SASH1: variants seen among roughly 807,000 people sequenced by gnomAD.
SASH1 encodes the protein SAM and SH3 domain containing 1, also known as SAM and SH3 domain-containing protein 1.
A neutral mutation model predicts 125.2 loss-of-function variants in SASH1; 44 were observed. That is an observed-to-expected ratio of 0.35 (90% CI 0.28 to 0.45). The LOEUF is 0.45. SASH1 is among the 20% of genes least tolerant of loss of function. The probability of loss-of-function intolerance (pLI) is 1.00; values close to 1 mark genes in which losing one functional copy is unlikely to be tolerated. For synonymous variants in SASH1, 639 were observed against 649.1 expected, an observed-to-expected ratio of 0.98 and a Z score of 0.24; for missense variants, 1,426 against 1,614.5, an observed-to-expected ratio of 0.88 and a Z score of 2.00.
the SASH1 span, among the ~76,000 whole-genome samples, chr6:148,223,874 A>C: frequency 6.6e-6 from 1 of 152,254 alleles, no homozygotes; most frequent in Admixed American, 6.5e-5. Context: ...ATCAGCCTCA[A>C]TAATCTATAC....
chr6:148,240,603 A>G, the SASH1 span, among the ~76,000 whole-genome samples: 1 of 152,012 alleles, frequency 6.6e-6, no homozygotes, highest in East Asian at 1.9e-4. Context: ...TTGAAGGAAT[A>G]TTTTCCCACA....
At chr6:148,204,987 A>C in the SASH1 span, among the ~76,000 whole-genome samples, 1 of 152,158 alleles carries the variant, frequency 6.6e-6, no homozygotes, top group Non-Finnish European at 1.5e-5. Context: ...ATGAGCATTC[A>C]GGAGATTGGG....
At chr6:148,450,597 A>T (rs1777049926) in intron 4 of SASH1, among the ~76,000 whole-genome samples, 2 of 151,422 alleles carry the variant, frequency 1.3e-5, no homozygotes, top group Admixed American at 6.6e-5. Flanking sequence ...TTTAACACGT[A>T]TCATATCATC....
intron 19 of SASH1, 53 bp from the exon 20 acceptor site, chr6:148,548,242 G>A (rs564908437): frequency 6.6e-7 from 1 of 1,522,434 alleles, no homozygotes; most frequent in South Asian, 1.3e-5. Context: ...ACGCGAAGTA[G>A]TCCTCGATGA....
At chr6:148,435,698 A>C (rs1352379628) in intron 2 of SASH1, among the ~76,000 whole-genome samples, 1 of 152,186 alleles carries the variant, frequency 6.6e-6, no homozygotes, top group Non-Finnish European at 1.5e-5. Context: ...ATTTTCTTCA[A>C]AGTAAAATGA....
chr6:148,256,275 T>C, the SASH1 span, among the ~76,000 whole-genome samples: 1 of 152,234 alleles, frequency 6.6e-6, no homozygotes, highest in Admixed American at 6.5e-5. Context: ...ATCTTAGTTT[T>C]TCAAGTAGAT....
chr6:148,270,691 A>G (rs1314098550), upstream of SASH1, among the ~76,000 whole-genome samples: 1 of 151,432 alleles, frequency 6.6e-6, no homozygotes, highest in African/African-American at 2.4e-5. Context: ...AAACAAAAAA[A>G]CAAAAAGGCT....
chr6:148,481,285 C>T (rs1164798730), intron 7 of SASH1, among the ~76,000 whole-genome samples: 1 of 152,116 alleles, frequency 6.6e-6, no homozygotes, highest in East Asian at 1.9e-4. Context: ...AGTGTTGTGG[C>T]TGTTCTGATC....
At chr6:148,474,252 G>C (rs2115138302) in intron 7 of SASH1, 30 bp downstream of exon 7, 1 of 1,378,442 alleles carries the variant, frequency 7.3e-7, no homozygotes, top group African/African-American at 1.4e-5. Flanking sequence ...GTTTATATTT[G>C]TGAGGACTTG....
chr6:148,431,031 C>G (rs1184317950), intron 2 of SASH1, among the ~76,000 whole-genome samples: 2 of 152,174 alleles, frequency 1.3e-5, no homozygotes, highest in African/African-American at 4.8e-5. Context: ...CTCCAGTCTC[C>G]CAGCTGACAG....
At chr6:148,237,736 G>A in the SASH1 span, 1 of 152,206 alleles carries the variant, frequency 6.6e-6, no homozygotes, top group Non-Finnish European at 1.5e-5. Flanking sequence ...TTTAGGGCAT[G>A]TGGTATCAGC....
chr6:148,358,494 C>A lies in SASH1; in HGVS notation c.156+15271C>A, dbSNP rs189113791. On this transcript the variant is annotated intron_variant, in intron 1 of 19. Coordinates refer to ENST00000367467, the MANE Select transcript of SASH1 (RefSeq NM_015278.5). ...ATAGTGACACACTACCTTCTGGGGT[C>A]CCAGGAGGGTCTGTTTCAAAATAAT... Among the ~76,000 whole-genome samples the A allele has an allele frequency of 2.9e-3, 444 of 152,222 alleles. 2 individuals are homozygous for A. The highest frequency in any genetic ancestry group is 0.01 in the African/African-American group (429 of 41,530).
chr6:148,363,663 G>C (rs1204760322), intron 1 of SASH1, among the ~76,000 whole-genome samples: 1 of 151,830 alleles, frequency 6.6e-6, no homozygotes, highest in Non-Finnish European at 1.5e-5. Context: ...GCCTCCCAAA[G>C]TGCTGGGATT....
At chr6:148,200,332 T>C in the SASH1 span, among the ~76,000 whole-genome samples, 1 of 152,372 alleles carries the variant, frequency 6.6e-6, no homozygotes, top group Admixed American at 6.5e-5. Context: ...GTCTTGAATA[T>C]GTTAAAATGA....
Position 148,548,363 on chromosome 6 carries a change from A to G in SASH1, c.3549A>G (p.Ser1183=), listed in dbSNP as rs373117071. 1.9e-6 allele frequency: 3 copies of G among 1,614,118 alleles called. No homozygotes were observed. In the African/African-American group the frequency reaches 4.0e-5, roughly 22 times the overall value. Residue 1183 remains serine (S), a synonymous_variant, in exon 20 of 20, where the codon TCA becomes TCG. Coordinates refer to ENST00000367467, the MANE Select transcript of SASH1 (RefSeq NM_015278.5). The stretch of plus-strand genomic sequence containing the variant: ...CTCCTGGGTGCATTTCGTCTGTGTC[A>G]GATTGGCTCATTTCCATCGGTCTGC... ...PVSPGCISSV[S]DWLISIGLPM...
At chr6:148,534,564 AC>A (rs1443424862) in intron 15 of SASH1, among the ~76,000 whole-genome samples, 186 bp from the exon 16 acceptor site, 1 of 152,132 alleles carries the variant, frequency 6.6e-6, no homozygotes, top group Non-Finnish European at 1.5e-5. Context: ...TTAATAAAAC[AC>A]CCTGCTTGCC....
chr6:148,387,738 T>C (rs1783531516), intron 1 of SASH1, among the ~76,000 whole-genome samples: 1 of 148,632 alleles, frequency 6.7e-6, no homozygotes, highest in Non-Finnish European at 1.5e-5. Context: ...CTTTCTTTTC[T>C]TTTCTTTCTT....
chr6:148,512,885 A>G (rs1780228663), intron 8 of SASH1: 1 of 984,974 alleles, frequency 1.0e-6, no homozygotes, highest in Non-Finnish European at 1.2e-6. Context: ...GTTAACCATA[A>G]GTGGGTAAAC....
rs1562371645 is a variant in SASH1 at position 148,387,664 on chromosome 6, CTT to C, written c.157-2468_157-2467del. ...TCTTTCTTTCTTTCTTTCTTTCTTT[CTT>C]TCTTTCTTTCTTTCTTTCTTTCTTT... On this transcript the variant is annotated intron_variant, in intron 1 of 19. Coordinates refer to ENST00000367467, the MANE Select transcript of SASH1 (RefSeq NM_015278.5). Among the ~76,000 whole-genome samples the C allele has an allele frequency of 1.1e-4, 7 of 62,582 alleles. 1 individual carries two copies. In the East Asian group the frequency reaches 2.2e-3, roughly 20 times the overall value. 41.1% of individuals were successfully genotyped at this position (62,582 alleles called of 152,430 possible).
Sources: gnomAD v4.1 joint callset for allele counts (sites outside exome capture counted in the v4.1 genomes callset) on GRCh38, gnomAD v4.1.1 for gene constraint, MANE v1.5 for transcripts, NCBI Gene and HGNC (gene_info 2026-07-23, HGNC 2026-07-21) for gene names.